Variants in HYOU1 observed in about 807,000 individuals in gnomAD.
The protein encoded by HYOU1 is hypoxia up-regulated protein 1.
A neutral mutation model predicts 120.5 loss-of-function variants in HYOU1; 40 were observed. The observed-to-expected ratio is 0.33, with a 90% CI of 0.26 to 0.43. The LOEUF (loss-of-function observed/expected upper bound fraction) is 0.43. HYOU1 is among the 20% of genes least tolerant of loss of function. The pLI is 1.00. For synonymous variants in HYOU1, 501 were observed against 479.4 expected (o/e 1.05, Z -0.59); for missense variants, 1,085 against 1,278.3 (o/e 0.85, Z 2.31).
Position 119,052,155 on chromosome 11 carries a change from C to T in HYOU1, c.1140G>A (p.Val380=). ...AEMSLDEIEQ[V]ILVGGATRVP... is the part of the protein sequence containing the mutation. ...CCCGAGTGGCCCCACCCACCAGGAT[C>T]ACCTGCTCAATCTCATCCTGCAGTG... is the stretch of plus-strand genomic sequence containing the variant. Residue 380 remains valine, a synonymous_variant, in exon 11 of 26, where the codon GTG becomes GTA. Coordinates refer to ENST00000617285, the MANE Select transcript of HYOU1 (RefSeq NM_006389.5). This position sits in a 1 kb window ranked among gnomAD's most constrained non-coding sequence, Gnocchi z 5.0. 6.2e-7 allele frequency: 1 copy of T among 1,614,220 alleles called. No homozygotes were observed. Among genetic ancestry groups the T allele is most frequent in the Non-Finnish European group, 8.5e-7 (1 of 1,180,042 alleles).
At position 119,044,541 on chromosome 11, in the gene HYOU1, C is replaced by G. The variant is rs1943964428; in HGVS notation, c.*1052G>C. The stretch of plus-strand genomic sequence containing the variant: ...TAGCAGAGTGATGCACAGAGGAAGG[C>G]CAGCCCTGACCCTCCTCCTTCATCC... On this transcript the variant is annotated 3_prime_UTR_variant, in exon 26 of 26. Coordinates refer to ENST00000617285, the MANE Select transcript of HYOU1 (RefSeq NM_006389.5). The G allele has an allele frequency of 6.5e-6, 1 of 154,314 alleles. No homozygotes were observed. The highest frequency in any genetic ancestry group is 1.9e-4 in the East Asian group (1 of 5,238). The allele number at this position is 154,314 out of a possible 1,614,324, so 9.6% of individuals were successfully genotyped here. A position where few individuals can be genotyped will look rare whatever the true frequency, so the allele number is the denominator to read the frequency against.
In HYOU1 at chr11:119,055,642, T is replaced by G. The variant is rs1944710037; in HGVS notation, c.186-71A>C. The G allele has an allele frequency of 6.6e-7, 1 of 1,509,872 alleles. No homozygotes were observed. The highest frequency in any genetic ancestry group is 9.2e-7 in the Non-Finnish European group (1 of 1,085,160). The allele number at this position is 1,509,872 out of a possible 1,614,324, so 93.5% of individuals were successfully genotyped here. A position where few individuals can be genotyped will look rare whatever the true frequency, so the allele number is the denominator to read the frequency against. On this transcript the variant is annotated intron_variant, in intron 3 of 25. Transcript: ENST00000617285. The surrounding 1 kb of genome is among the most constrained non-coding windows in gnomAD (Gnocchi z 4.0). The stretch of plus-strand genomic sequence containing the variant: ...TCAGAAGCCTCGACACTCACACACA[T>G]TTAACCACTCAGATGCCGAAGTCTG...
Position 119,055,393 on chromosome 11 carries a change from C to A in HYOU1, c.265-54G>T. On this transcript the variant is annotated intron_variant, in intron 4 of 25. Coordinates refer to ENST00000617285, the MANE Select transcript of HYOU1 (RefSeq NM_006389.5). The surrounding 1 kb of genome is among the most constrained non-coding windows in gnomAD (Gnocchi z 4.0). Reference sequence around the variant, plus strand: ...ATTAGGCTCCCAAGTCCACCATTACCTACCTCTTACATCACAGAGACTGAT... The same window carrying A: ...ATTAGGCTCCCAAGTCCACCATTACATACCTCTTACATCACAGAGACTGAT... 1 of 1,607,564 alleles carries A rather than the reference C, an allele frequency of 6.2e-7. No homozygotes were observed. Among genetic ancestry groups the A allele is most frequent in the Non-Finnish European group, 8.5e-7 (1 of 1,174,932 alleles).
At position 119,055,989 on chromosome 11, in the gene HYOU1, GCCAACAGCC is replaced by G; in HGVS notation, c.91+72_91+80del. 7.0e-7 allele frequency: 1 copy of G among 1,431,656 alleles called. No individual in the cohort carries two copies. Among genetic ancestry groups the G allele is most frequent in the African/African-American group, 1.4e-5 (1 of 71,394 alleles). 88.7% of individuals were successfully genotyped at this position (1,431,656 alleles called of 1,614,324 possible). A position where few individuals can be genotyped will look rare whatever the true frequency, so the allele number is the denominator to read the frequency against. ...GACCTAACAACTCAAGAGACTTCTG[GCCAACAGCC>G]CCAAGCTCAATTCCCATCATGCATC... On this transcript the variant is annotated intron_variant, in intron 2 of 25. Coordinates refer to ENST00000617285, the MANE Select transcript of HYOU1 (RefSeq NM_006389.5). The surrounding 1 kb of genome is among the most constrained non-coding windows in gnomAD (Gnocchi z 4.0).
chr11:119,050,412 G>GTAA (rs901626820), intron 14 of HYOU1, among the ~76,000 whole-genome samples: 3 of 151,870 alleles, frequency 2.0e-5, no homozygotes, highest in East Asian at 3.9e-4. Context: ...CTCAAAAAAA[G>GTAA]TAATAATAAT....
intron 22 of HYOU1, 33 bp downstream of exon 22, chr11:119,047,701 A>G (rs201897343): frequency 2.7e-4 from 422 of 1,553,108 alleles, no homozygotes; most frequent in Non-Finnish European, 3.6e-4. Flanking sequence ...GATGGCAGCT[A>G]AGTATCTGGT....
chr11:119,045,230 C>T lies in HYOU1; in HGVS notation c.*363G>A, dbSNP rs79768107. 1,591 of 478,678 alleles carry T rather than the reference C, an allele frequency of 3.3e-3. 17 individuals are homozygous for T. The highest frequency in any genetic ancestry group is 0.027 in the African/African-American group (1,416 of 51,522). 29.7% of individuals were successfully genotyped at this position (478,678 alleles called of 1,614,324 possible). On this transcript the variant is annotated 3_prime_UTR_variant, in exon 26 of 26. Transcript: ENST00000617285. ...ATCACCAGAGAAGAGTGGAAACTCC[C>T]CAGCAACCTGATACCCTTCCCATCA...
In HYOU1 at chr11:119,051,857, G is replaced by A. The variant is rs1944461567; in HGVS notation, c.1300C>T (p.Pro434Ser). ...ACCACTGCATCTCGGACGACAAATG[G>A]CTTCACTTTAAAGGCTTTGCTGAGC... ...AALSKAFKVK[P>S]FVVRDAVVYP... The change falls in exon 12 of 26, where the codon CCA becomes TCA. Residue 434 changes from proline to serine, a missense_variant. Pro to Ser is a moderately conservative substitution (Grantham distance 74, BLOSUM62 -1). This residue lies in a region of HYOU1 where 515 missense variants were observed against 677.8 expected (regional missense o/e 0.76). Coordinates refer to ENST00000617285, the MANE Select transcript of HYOU1 (RefSeq NM_006389.5). This position sits in a 1 kb window ranked among gnomAD's most constrained non-coding sequence, Gnocchi z 4.2. 1 of 1,614,118 alleles carries A rather than the reference G, an allele frequency of 6.2e-7. No individual in the cohort carries two copies. The highest frequency in any genetic ancestry group is 8.5e-7 in the Non-Finnish European group (1 of 1,179,998).
rs188738879 is a variant in HYOU1, at chr11:119,055,965, A to G, written c.91+105T>C. On this transcript the variant is annotated intron_variant, in intron 2 of 25. Transcript: ENST00000617285. This position sits in a 1 kb window ranked among gnomAD's most constrained non-coding sequence, Gnocchi z 4.0. ...GATGGCAAAAGACAAAAAGGCCTGG[A>G]CCTAACAACTCAAGAGACTTCTGGC... 3.0e-5 allele frequency: 40 copies of G among 1,353,794 alleles called. No individual in the cohort carries two copies. The African/African-American group carries it at 3.4e-4, about 12-fold the overall frequency. 83.9% of individuals were successfully genotyped at this position (1,353,794 alleles called of 1,614,324 possible).
rs1221998855 is a variant in HYOU1 at position 119,044,895 on chromosome 11, C to T, written c.*698G>A. Reference sequence around the variant, plus strand: ...GGCTCCCTTCTTCACTGTGCCCCTCCCTCCTCTGGCCACTAGGGGTGGGAA... The same window carrying T: ...GGCTCCCTTCTTCACTGTGCCCCTCTCTCCTCTGGCCACTAGGGGTGGGAA... On this transcript the variant is annotated 3_prime_UTR_variant, in exon 26 of 26. Transcript: ENST00000617285. 3.3e-6 allele frequency: 1 copy of T among 305,118 alleles called. No individual in the cohort carries two copies. The highest frequency in any genetic ancestry group is 7.7e-5 in the East Asian group (1 of 12,992). The allele number at this position is 305,118 out of a possible 1,614,324, so 18.9% of individuals were successfully genotyped here. A position where few individuals can be genotyped will look rare whatever the true frequency, so the allele number is the denominator to read the frequency against.
In HYOU1 at chr11:119,055,173, C is replaced by T. The variant is rs2133610746; in HGVS notation, c.419+12G>A. 3.3e-5 allele frequency: 53 copies of T among 1,611,960 alleles called. No homozygotes were observed. The highest frequency in any genetic ancestry group is 3.9e-5 in the Non-Finnish European group (46 of 1,178,478). ...GCGTTGCCGAGACCACCTTCCCCAA[C>T]AGAGCACTCACGAGCTGATCTGAAA... On this transcript the variant is annotated intron_variant, in intron 5 of 25. Coordinates refer to ENST00000617285, the MANE Select transcript of HYOU1 (RefSeq NM_006389.5). This position sits in a 1 kb window ranked among gnomAD's most constrained non-coding sequence, Gnocchi z 4.0.
chr11:119,054,268 A>T (rs2133603812), intron 7 of HYOU1, 32 bp from the exon 8 acceptor site: 1 of 1,542,322 alleles, frequency 6.5e-7, no homozygotes. Flanking sequence ...TGTCACAGGA[A>T]CCTTCTCAAA....
chr11:119,055,271 G>A lies in HYOU1; in HGVS notation c.333C>T (p.Pro111=), dbSNP rs2133611771. The change falls in exon 5 of 26, where the codon CCC becomes CCT. Residue 111 remains proline, a synonymous_variant. Coordinates refer to ENST00000617285, the MANE Select transcript of HYOU1 (RefSeq NM_006389.5). This position sits in a 1 kb window ranked among gnomAD's most constrained non-coding sequence, Gnocchi z 4.0. Reference sequence around the variant, plus strand: ...AGCGGGCCTGGTAAAGAGCTACATGGGGGTTATCTGCCTGCTTCCCCAGGA... The same window carrying A: ...AGCGGGCCTGGTAAAGAGCTACATGAGGGTTATCTGCCTGCTTCCCCAGGA... ...QHLLGKQADN[P]HVALYQARFP... The A allele has an allele frequency of 5.0e-6, 8 of 1,614,036 alleles. No individual in the cohort carries two copies. Among genetic ancestry groups the A allele is most frequent in the Middle Eastern group, 1.6e-4 (1 of 6,084 alleles).
chr11:119,051,697 G>C lies in HYOU1; in HGVS notation c.1339-72C>G. On this transcript the variant is annotated intron_variant, in intron 12 of 25. Coordinates refer to ENST00000617285, the MANE Select transcript of HYOU1 (RefSeq NM_006389.5). This position sits in a 1 kb window ranked among gnomAD's most constrained non-coding sequence, Gnocchi z 4.2. ...CGAGTAGGTTCTGGGGTAAGGATGG[G>C]GGTGGGATGGGGGAGACCTCTTAGC... The C allele has an allele frequency of 6.3e-7, 1 of 1,595,476 alleles. No individual in the cohort carries two copies. Among genetic ancestry groups the C allele is most frequent in the Non-Finnish European group, 8.6e-7 (1 of 1,165,934 alleles).
rs2133613080 is a variant in HYOU1, at chr11:119,055,376, C to G, written c.265-37G>C. The G allele has an allele frequency of 1.9e-5, 30 of 1,609,286 alleles. No individual in the cohort carries two copies. Among genetic ancestry groups the G allele is most frequent in the Non-Finnish European group, 2.5e-5 (30 of 1,176,596 alleles). ...AGAAGGAGCAGACTAGTATTAGGCT[C>G]CCAAGTCCACCATTACCTACCTCTT... is the stretch of plus-strand genomic sequence containing the variant. On this transcript the variant is annotated intron_variant, in intron 4 of 25. Transcript: ENST00000617285. The surrounding 1 kb of genome is among the most constrained non-coding windows in gnomAD (Gnocchi z 4.0).
Position 119,051,686 on chromosome 11 carries a change from G to T in HYOU1, c.1339-61C>A, listed in dbSNP as rs1944449739. 1.2e-6 allele frequency: 2 copies of T among 1,600,432 alleles called. No homozygotes were observed. Among genetic ancestry groups the T allele is most frequent in the Non-Finnish European group, 1.7e-6 (2 of 1,169,546 alleles). On this transcript the variant is annotated intron_variant, in intron 12 of 25. Transcript: ENST00000617285. This position sits in a 1 kb window ranked among gnomAD's most constrained non-coding sequence, Gnocchi z 4.2. ...ACTAGAGAACCCGAGTAGGTTCTGG[G>T]GTAAGGATGGGGGTGGGATGGGGGA...
intron 15 of HYOU1, 54 bp downstream of exon 15, chr11:119,049,723 C>T (rs2133574964): frequency 1.9e-6 from 3 of 1,608,504 alleles, no homozygotes; most frequent in Non-Finnish European, 2.6e-6. Context: ...GTCCACCTCC[C>T]CAACCTTCAC....
chr11:119,049,126 G>A lies in HYOU1; in HGVS notation c.1884C>T (p.Ala628=), dbSNP rs2133569847. The change falls in exon 17 of 26, where the codon GCC becomes GCT. Residue 628 remains alanine (A), a synonymous_variant. Coordinates refer to ENST00000617285, the MANE Select transcript of HYOU1 (RefSeq NM_006389.5). The part of the protein sequence containing the change: ...EQVELKEEAE[A]PVEDGSQPPP... ...GGGGCTGAGAGCCATCCTCCACTGGGGCCTCAGCTTCCTCCTTGAGCTCCA... is the reference window on the plus strand; with the variant it reads ...GGGGCTGAGAGCCATCCTCCACTGGAGCCTCAGCTTCCTCCTTGAGCTCCA... 3 of 1,613,902 alleles carry A rather than the reference G, an allele frequency of 1.9e-6. No homozygotes were observed. The highest frequency in any genetic ancestry group is 1.7e-6 in the Non-Finnish European group (2 of 1,179,912).
At chr11:119,054,434 G>C in intron 7 of HYOU1, 60 bp downstream of exon 7, 1 of 1,551,906 alleles carries the variant, frequency 6.4e-7, no homozygotes, top group South Asian at 1.1e-5. Flanking sequence ...AAGGGACCAA[G>C]TGGCCTCCAT....
Sources: allele counts gnomAD v4.1 joint callset (sites outside exome capture counted in the v4.1 genomes callset), GRCh38; gene constraint gnomAD v4.1.1; regional missense constraint gnomAD v4.1.1; non-coding constraint Gnocchi (gnomAD v3.1); transcripts MANE v1.5; gene names NCBI Gene and HGNC (gene_info 2026-07-23, HGNC 2026-07-21).